The following POT1 variants were observed in gnomAD, a reference collection of about 807,000 sequenced individuals.
The protein encoded by POT1 is protection of telomeres 1.
POT1 carries 47 observed loss-of-function variants against 78.5 expected under a neutral mutation model. The ratio of observed to expected loss-of-function variants is 0.60; its 90% CI spans 0.47 to 0.76. POT1 has a LOEUF of 0.76. Among genes scored for constraint, POT1 ranks in the 30% least tolerant of loss-of-function variants. The probability of loss-of-function intolerance (pLI) is 0.00; values close to 1 mark genes in which losing one functional copy is unlikely to be tolerated. For synonymous variants in POT1, 259 were observed against 260.7 expected (o/e 0.99, Z 0.06); for missense variants, 646 against 749.9 (o/e 0.86, Z 1.62).
At chr7:124,837,812 T>A (rs1347125124) in intron 14 of POT1, among the ~76,000 whole-genome samples, 1 of 152,076 alleles carries the variant, frequency 6.6e-6, no homozygotes, top group Non-Finnish European at 1.5e-5. Flanking sequence ...ACTCAGAAAG[T>A]ATTTAAAAAT....
At chr7:124,923,352 G>A (rs190708966) in intron 2 of POT1, among the ~76,000 whole-genome samples, 1 of 151,678 alleles carries the variant, frequency 6.6e-6, no homozygotes, top group Non-Finnish European at 1.5e-5. Context: ...CGGAAACCAT[G>A]AATTAAAAAA....
At chr7:124,859,152 A>G in intron 8 of POT1, 40 bp from the exon 9 acceptor site, 1 of 1,423,574 alleles carries the variant, frequency 7.0e-7, no homozygotes, top group Non-Finnish European at 9.3e-7. Flanking sequence ...ATCCTTTTGA[A>G]AAAATGCTTG....
At chr7:124,919,809 T>C (rs1035439810) in intron 2 of POT1, among the ~76,000 whole-genome samples, 1 of 152,118 alleles carries the variant, frequency 6.6e-6, no homozygotes, top group Non-Finnish European at 1.5e-5. Flanking sequence ...CAAACTAATA[T>C]ACCCTCTTTA....
intron 11 of POT1, among the ~76,000 whole-genome samples, chr7:124,848,904 A>T (rs1283918731): frequency 6.6e-6 from 1 of 152,184 alleles, no homozygotes; most frequent in Non-Finnish European, 1.5e-5. Flanking sequence ...CCAAATGAAC[A>T]TCAAAAATAG....
At chr7:124,831,985 T>A (rs1794769316) in intron 15 of POT1, among the ~76,000 whole-genome samples, 1 of 140,044 alleles carries the variant, frequency 7.1e-6, no homozygotes, top group Non-Finnish European at 1.5e-5. Flanking sequence ...CTGTAACATT[T>A]AATTTCTTAA....
chr7:124,888,231 CA>C (rs1796291192), intron 6 of POT1, among the ~76,000 whole-genome samples: 1 of 152,076 alleles, frequency 6.6e-6, no homozygotes, highest in African/African-American at 2.4e-5. Context: ...ATACTTTCCC[CA>C]TTATATATTC....
intron 3 of POT1, among the ~76,000 whole-genome samples, chr7:124,908,403 A>C (rs189370551): frequency 5.1e-4 from 78 of 152,040 alleles, no homozygotes; most frequent in South Asian, 3.3e-3. Context: ...CCTACAAATC[A>C]CTGTATGATT....
intron 2 of POT1, among the ~76,000 whole-genome samples, chr7:124,922,298 A>G (rs1797170984): frequency 6.6e-6 from 1 of 152,098 alleles, no homozygotes; most frequent in Non-Finnish European, 1.5e-5. Flanking sequence ...ATCTACAGGT[A>G]AAAATGAAGA....
At chr7:124,842,768 T>C (rs781266162) in intron 13 of POT1, 39 bp downstream of exon 13, 1 of 1,534,000 alleles carries the variant, frequency 6.5e-7, no homozygotes, top group South Asian at 1.2e-5. Flanking sequence ...TACACACAAA[T>C]AATATGAAAA....
intron 9 of POT1, among the ~76,000 whole-genome samples, chr7:124,854,117 T>C (rs1205079247): frequency 4.6e-5 from 7 of 152,002 alleles, no homozygotes; most frequent in Non-Finnish European, 1.0e-4. Flanking sequence ...ATTCTTTATC[T>C]GAAATACTTG....
chr7:124,858,893 CAT>C (rs768250924), intron 9 of POT1, 62 bp downstream of exon 9: 6 of 1,287,646 alleles, frequency 4.7e-6, no homozygotes, highest in African/African-American at 4.5e-5. Flanking sequence ...AAAAAATTTA[CAT>C]GAGCAAAAAT....
intron 2 of POT1, among the ~76,000 whole-genome samples, chr7:124,924,490 T>A (rs950855088): frequency 2.0e-4 from 29 of 144,098 alleles, no homozygotes; most frequent in African/African-American, 7.6e-4. Flanking sequence ...AATAAAAAAA[T>A]CCCAATAAAA....
intron 13 of POT1, among the ~76,000 whole-genome samples, chr7:124,841,726 TA>T (rs1795032131): frequency 6.6e-6 from 1 of 152,000 alleles, no homozygotes; most frequent in Admixed American, 6.6e-5. Flanking sequence ...TGTTGCCAGT[TA>T]ACTGTGTAAC....
chr7:124,875,819 T>C (rs2116581714), intron 6 of POT1, among the ~76,000 whole-genome samples: 1 of 152,328 alleles, frequency 6.6e-6, no homozygotes, highest in East Asian at 1.9e-4. Flanking sequence ...GATTTCACCA[T>C]ACGTTATTCT....
At chr7:124,912,327 C>T (rs1796906819) in intron 3 of POT1, among the ~76,000 whole-genome samples, 1 of 151,976 alleles carries the variant, frequency 6.6e-6, no homozygotes, top group South Asian at 2.1e-4. Context: ...CTGAGCCTCT[C>T]CTTGACATAA....
chr7:124,896,140 C>A (rs1796486188), intron 5 of POT1, among the ~76,000 whole-genome samples: 1 of 151,650 alleles, frequency 6.6e-6, no homozygotes. Context: ...TTGATATCAA[C>A]TGCAAGATCC....
chr7:124,842,572 C>T (rs1424601831), intron 13 of POT1, among the ~76,000 whole-genome samples: 5 of 151,910 alleles, frequency 3.3e-5, no homozygotes, highest in African/African-American at 1.2e-4. Context: ...TCTCATTTGC[C>T]TTTATCAGAG....
chr7:124,928,087 GA>G (rs1272350954), intron 2 of POT1, among the ~76,000 whole-genome samples: 1 of 151,890 alleles, frequency 6.6e-6, no homozygotes, highest in African/African-American at 2.4e-5. Flanking sequence ...CTAACGCATG[GA>G]AAAAAATGCA....
At chr7:124,857,227 A>T (rs1795467970) in intron 9 of POT1, among the ~76,000 whole-genome samples, 1 of 152,208 alleles carries the variant, frequency 6.6e-6, no homozygotes, top group South Asian at 2.1e-4. Flanking sequence ...TCCTATAAGT[A>T]GGCTAGAAGA....
Sources: allele counts gnomAD v4.1 joint callset (sites outside exome capture counted in the v4.1 genomes callset), GRCh38; gene constraint gnomAD v4.1.1; transcripts MANE v1.5; gene names NCBI Gene and HGNC (gene_info 2026-07-23, HGNC 2026-07-21).